CHRM3: variants seen among roughly 807,000 people sequenced by gnomAD.
CHRM3 encodes muscarinic acetylcholine receptor M3.
Under a neutral mutation model 41.8 loss-of-function variants are expected in CHRM3, and 11 were observed. That is an observed-to-expected ratio of 0.26 (90% CI 0.17 to 0.44). The LOEUF (loss-of-function observed/expected upper bound fraction) is 0.44. Ranked by LOEUF, CHRM3 falls within the 20% of genes least tolerant of loss-of-function variation. The pLI is 1.00. For synonymous variants in CHRM3, 297 were observed against 301.4 expected (o/e 0.99, Z 0.15); for missense variants, 571 against 745.4 (o/e 0.77, Z 2.72).
intron 1 of CHRM3, among the ~76,000 whole-genome samples, chr1:239,435,041 C>A (rs369988138): frequency 3.3e-5 from 5 of 152,110 alleles, no homozygotes; most frequent in African/African-American, 7.2e-5. Flanking sequence ...CAGTTCCTTT[C>A]TATTAATAAA....
intron 5 of CHRM3, among the ~76,000 whole-genome samples, chr1:239,750,013 T>A (rs753415175): frequency 2.4e-4 from 37 of 152,240 alleles, no homozygotes; most frequent in Non-Finnish European, 4.3e-4. Context: ...TATTCAAAGA[T>A]TGAATGTTCA....
chr1:239,503,072 C>T (rs1354375417), intron 2 of CHRM3, among the ~76,000 whole-genome samples: 1 of 151,930 alleles, frequency 6.6e-6, no homozygotes, highest in Non-Finnish European at 1.5e-5. Context: ...CAATCAGACA[C>T]AAGAAAGAAA....
chr1:239,788,052 T>A (rs1572292595), intron 5 of CHRM3, among the ~76,000 whole-genome samples: 1 of 151,970 alleles, frequency 6.6e-6, no homozygotes, highest in South Asian at 2.1e-4. Flanking sequence ...CTGGGCAACA[T>A]AAAGAGATTC....
At chr1:239,618,332 G>A (rs1388302994) in intron 3 of CHRM3, among the ~76,000 whole-genome samples, 1 of 130,780 alleles carries the variant, frequency 7.6e-6, no homozygotes, top group Admixed American at 8.4e-5. Context: ...GAGGAAACTA[G>A]AAGCCCAAAT....
At chr1:239,619,972 G>T (rs568284786) in intron 3 of CHRM3, among the ~76,000 whole-genome samples, 2 of 152,154 alleles carry the variant, frequency 1.3e-5, no homozygotes, top group South Asian at 4.1e-4. Context: ...TCTGGCTAAA[G>T]AATAGTATTT....
chr1:239,542,143 A>G (rs1658845638), intron 2 of CHRM3, among the ~76,000 whole-genome samples: 1 of 152,172 alleles, frequency 6.6e-6, no homozygotes, highest in South Asian at 2.1e-4. Context: ...AGACAGAATG[A>G]CCAAGATATA....
At chr1:239,773,956 TAGAC>T (rs1311487977) in intron 5 of CHRM3, among the ~76,000 whole-genome samples, 3 of 152,198 alleles carry the variant, frequency 2.0e-5, no homozygotes, top group Admixed American at 2.0e-4. Context: ...GAGAAATAGT[TAGAC>T]AGGAAGATTC....
At chr1:239,662,934 C>CT (rs374408417) in intron 4 of CHRM3, among the ~76,000 whole-genome samples, 4 of 19,108 alleles carry the variant, frequency 2.1e-4, no homozygotes, top group South Asian at 9.7e-4. Context: ...TCTTCTTCTC[C>CT]TCTTCTTCTT....
chr1:239,574,426 A>G (rs1272618559), intron 3 of CHRM3, among the ~76,000 whole-genome samples: 1 of 151,738 alleles, frequency 6.6e-6, no homozygotes, highest in African/African-American at 2.4e-5. Context: ...CCCTTTGTCC[A>G]GCGCTGGGCC....
intron 5 of CHRM3, among the ~76,000 whole-genome samples, chr1:239,769,205 A>T (rs1012943499): frequency 6.6e-6 from 1 of 152,136 alleles, no homozygotes; most frequent in Non-Finnish European, 1.5e-5. Flanking sequence ...GATGGGGTGA[A>T]CAGGTAGGCA....
intron 5 of CHRM3, chr1:239,706,240 A>G (rs925377252): frequency 6.6e-5 from 10 of 151,006 alleles, no homozygotes; most frequent in South Asian, 6.2e-4. Context: ...TTATTATTAC[A>G]TTCTAAATAT....
chr1:239,785,367 T>C (rs1668808703), intron 5 of CHRM3, among the ~76,000 whole-genome samples: 1 of 152,230 alleles, frequency 6.6e-6, no homozygotes, highest in Non-Finnish European at 1.5e-5. Context: ...TGAAGTTACA[T>C]TGTGAGTTAT....
At chr1:239,833,782 G>A (rs912885551) in intron 6 of CHRM3, among the ~76,000 whole-genome samples, 2 of 152,086 alleles carry the variant, frequency 1.3e-5, no homozygotes, top group African/African-American at 2.4e-5. Flanking sequence ...AGTCCTTCTG[G>A]AGCTTCTGGA....
intron 5 of CHRM3, among the ~76,000 whole-genome samples, chr1:239,688,929 T>C (rs1659444908): frequency 6.8e-6 from 1 of 147,118 alleles, no homozygotes; most frequent in African/African-American, 2.5e-5. Context: ...CATTTTGTAT[T>C]CTTAGGATAG....
At chr1:239,435,414 A>G (rs1663170678) in intron 1 of CHRM3, among the ~76,000 whole-genome samples, 1 of 150,742 alleles carries the variant, frequency 6.6e-6, no homozygotes, top group Non-Finnish European at 1.5e-5. Context: ...GCACCACTGC[A>G]CTCCAGCCTG....
chr1:239,693,375 C>A (rs1315912367), intron 5 of CHRM3, among the ~76,000 whole-genome samples: 1 of 152,082 alleles, frequency 6.6e-6, no homozygotes, highest in Non-Finnish European at 1.5e-5. Flanking sequence ...CTCTCTCTCT[C>A]TTCTCATGCA....
At chr1:239,745,395 T>C (rs915658579) in intron 5 of CHRM3, among the ~76,000 whole-genome samples, 2 of 151,864 alleles carry the variant, frequency 1.3e-5, no homozygotes, top group African/African-American at 4.8e-5. Context: ...TCACGCGGTA[T>C]GCAAGTCAAA....
chr1:239,541,668 C>A (rs1320647703), intron 2 of CHRM3, among the ~76,000 whole-genome samples: 2 of 151,954 alleles, frequency 1.3e-5, no homozygotes, highest in African/African-American at 4.8e-5. Flanking sequence ...TGTGCCACTG[C>A]GCCAGGCTAA....
chr1:239,688,515 A>G (rs1273192065), intron 5 of CHRM3, among the ~76,000 whole-genome samples: 14 of 140,048 alleles, frequency 1.0e-4, no homozygotes, highest in Non-Finnish European at 1.4e-4. Context: ...TATGTTTAAT[A>G]CAATATATAA....
Sources: allele counts gnomAD v4.1 joint callset (sites outside exome capture counted in the v4.1 genomes callset), GRCh38; gene constraint gnomAD v4.1.1; transcripts MANE v1.5; gene names NCBI Gene and HGNC (gene_info 2026-07-23, HGNC 2026-07-21).